AUTS2: variants seen among roughly 807,000 people sequenced by gnomAD.
AUTS2 encodes the protein autism susceptibility gene 2 protein.
In AUTS2, 17 loss-of-function variants were observed where a neutral mutation model predicts 112.4. That is an observed-to-expected ratio of 0.15 (90% confidence interval 0.10 to 0.23). The LOEUF (loss-of-function observed/expected upper bound fraction) is 0.23, where lower values mean the gene tolerates loss of function less well. Among genes scored for constraint, AUTS2 ranks in the 10% least tolerant of loss-of-function variants. AUTS2 has a pLI of 1.00. For missense variants in AUTS2, 1,510 were observed against 1,701.6 expected, an observed-to-expected ratio of 0.89 and a Z score of 1.98; for synonymous variants, 751 against 702.7, an observed-to-expected ratio of 1.07 and a Z score of -1.09.
At chr7:69,762,293 CTTTTTTTTTTTTTTTTTT>C (rs534032498) in intron 1 of AUTS2, among the ~76,000 whole-genome samples, 2 of 61,598 alleles carry the variant, frequency 3.2e-5, no homozygotes, top group African/African-American at 1.3e-4. Flanking sequence ...GCCAAGTTGT[CTTTTTTTTTTTTTTTTTT>C]TTTTTTTTTT....
intron 2 of AUTS2, among the ~76,000 whole-genome samples, chr7:69,972,101 T>G (rs1797874346): frequency 6.6e-6 from 1 of 152,176 alleles, no homozygotes; most frequent in Non-Finnish European, 1.5e-5. Context: ...TGCAATGATG[T>G]TGGTGGTGTT....
At chr7:69,604,212 T>C (rs1443913687) in intron 1 of AUTS2, among the ~76,000 whole-genome samples, 1 of 152,320 alleles carries the variant, frequency 6.6e-6, no homozygotes, top group African/African-American at 2.4e-5. Context: ...ATCAGTAGCA[T>C]AAGTGGGCTA....
Position 69,775,618 on chromosome 7 carries a change from G to A in AUTS2, c.310-123668G>A, listed in dbSNP as rs1788858374. 2.6e-5 allele frequency among the ~76,000 whole-genome samples: 4 copies of A among 152,086 alleles called. 1 individual carries two copies. Among genetic ancestry groups the A allele is most frequent in the South Asian group, 4.2e-4 (2 of 4,794 alleles). On this transcript the variant is annotated intron_variant, in intron 1 of 18. Coordinates refer to ENST00000342771, the MANE Select transcript of AUTS2 (RefSeq NM_015570.4). ...TGTCTGAAGCTGGATGTGAGGGGTCGGGAAGTTGTTGATGGGGATGCCTTC... is the reference window on the plus strand; with the variant it reads ...TGTCTGAAGCTGGATGTGAGGGGTCAGGAAGTTGTTGATGGGGATGCCTTC...
At chr7:70,066,345 G>A (rs190679399) in intron 2 of AUTS2, among the ~76,000 whole-genome samples, 33 of 152,032 alleles carry the variant, frequency 2.2e-4, no homozygotes, top group Non-Finnish European at 1.6e-4. Context: ...TTTAATTTTG[G>A]AGTTGAATGG....
intron 4 of AUTS2, among the ~76,000 whole-genome samples, chr7:70,322,229 A>G (rs923229767): frequency 1.2e-4 from 18 of 152,196 alleles, no homozygotes; most frequent in Non-Finnish European, 2.5e-4. Context: ...AATACATTAT[A>G]GTATATTTAT....
intron 1 of AUTS2, among the ~76,000 whole-genome samples, chr7:69,732,644 A>G (rs998565778): frequency 2.6e-5 from 4 of 152,164 alleles, no homozygotes; most frequent in Admixed American, 6.6e-5. Context: ...TAAGGCCCAA[A>G]TATGAGGTAT....
chr7:69,898,095 G>A (rs1794826990), intron 1 of AUTS2, among the ~76,000 whole-genome samples: 1 of 152,114 alleles, frequency 6.6e-6, no homozygotes, highest in South Asian at 2.1e-4. Context: ...ATACATGTTT[G>A]AGGTAATGGA....
intron 1 of AUTS2, among the ~76,000 whole-genome samples, chr7:69,896,461 A>G (rs1794745789): frequency 6.6e-6 from 1 of 151,934 alleles, no homozygotes; most frequent in African/African-American, 2.4e-5. Context: ...CTTACTCTTA[A>G]GGATAAGGCC....
intron 6 of AUTS2, among the ~76,000 whole-genome samples, chr7:70,752,525 A>C (rs536723711): frequency 2.6e-5 from 4 of 152,230 alleles, no homozygotes; most frequent in Admixed American, 2.0e-4. Flanking sequence ...AAGTCTGATT[A>C]TCTAAGCTTA....
chr7:70,235,886 C>G (rs1211312789), intron 4 of AUTS2, among the ~76,000 whole-genome samples: 1 of 152,140 alleles, frequency 6.6e-6, no homozygotes, highest in African/African-American at 2.4e-5. Flanking sequence ...TCTCGAACTC[C>G]TGACCTCGTG....
At chr7:70,774,362 G>A (rs2129558716) in intron 12 of AUTS2, 2 of 460,196 alleles carry the variant, frequency 4.3e-6, no homozygotes, top group Admixed American at 3.6e-5. Flanking sequence ...AAATTGGACA[G>A]TGTCAGCTTG....
At chr7:70,088,527 CT>C (rs34484649) in intron 2 of AUTS2, among the ~76,000 whole-genome samples, 49,227 of 139,252 alleles carry the variant, frequency 0.35, 7,956 homozygotes, top group African/African-American at 0.45. Context: ...CTTTTGCTCT[CT>C]TTTTTTTTTT....
rs972348238 is a variant in AUTS2 at position 70,102,212 on chromosome 7, G to A, written c.523-15920G>A. ...CGGCTCACCGCAAGCTCTGGCTCCC[G>A]GGTTCACACCATTCTCCTGCCTCAG... is the stretch of plus-strand genomic sequence containing the variant. On this transcript the variant is annotated intron_variant, in intron 2 of 18. Transcript: ENST00000342771. Among the ~76,000 whole-genome samples the A allele has an allele frequency of 2.7e-5, 4 of 148,888 alleles. No individual in the cohort carries two copies. The Admixed American group carries it at 2.8e-4, about 10-fold the overall frequency.
At chr7:69,847,474 C>A (rs1792258597) in intron 1 of AUTS2, among the ~76,000 whole-genome samples, 1 of 152,178 alleles carries the variant, frequency 6.6e-6, no homozygotes, top group South Asian at 2.1e-4. Context: ...CTTTGCTCCG[C>A]CATAGCCTTT....
chr7:70,520,098 GT>G (rs1450077733), intron 5 of AUTS2, among the ~76,000 whole-genome samples: 1 of 152,056 alleles, frequency 6.6e-6, no homozygotes, highest in African/African-American at 2.4e-5. Context: ...AAGCATGAAA[GT>G]TTTCTATTTC....
At chr7:70,553,016 C>T (rs1272961805) in intron 5 of AUTS2, among the ~76,000 whole-genome samples, 1 of 152,276 alleles carries the variant, frequency 6.6e-6, no homozygotes, top group South Asian at 2.1e-4. Flanking sequence ...GGTGCTGTCA[C>T]GAGCCAGCAG....
intron 2 of AUTS2, among the ~76,000 whole-genome samples, chr7:70,023,485 G>C (rs1402317263): frequency 6.6e-6 from 1 of 152,182 alleles, no homozygotes; most frequent in Non-Finnish European, 1.5e-5. Context: ...ACAGGCATTG[G>C]AGTCTGTCTC....
At position 69,665,490 on chromosome 7, in the gene AUTS2, G is replaced by A. The variant is rs573003852; in HGVS notation, c.309+65528G>A. The stretch of plus-strand genomic sequence containing the variant: ...CTGTAGGAGTCTGGAATGCAAAACT[G>A]AACCACAGAAGTATATTGGCCTTGC... On this transcript the variant is annotated intron_variant, in intron 1 of 18. Transcript: ENST00000342771. Among the ~76,000 whole-genome samples, 47 of 152,296 alleles carry A rather than the reference G, an allele frequency of 3.1e-4. 2 individuals carry two copies. The South Asian group carries it at 7.9e-3, about 26-fold the overall frequency.
Position 70,792,619 on chromosome 7 carries a change from T to TG in AUTS2, c.*1623_*1624insG, listed in dbSNP as rs1273432003. 7.9e-6 allele frequency: 1 copy of TG among 126,194 alleles called. No individual in the cohort carries two copies. Among genetic ancestry groups the TG allele is most frequent in the Non-Finnish European group, 1.7e-5 (1 of 58,930 alleles). 7.8% of individuals were successfully genotyped at this position (126,194 alleles called of 1,614,324 possible). A position where few individuals can be genotyped will look rare whatever the true frequency, so the allele number is the denominator to read the frequency against. On this transcript the variant is annotated 3_prime_UTR_variant, in exon 19 of 19. Coordinates refer to ENST00000342771, the MANE Select transcript of AUTS2 (RefSeq NM_015570.4). Reference sequence around the variant, plus strand: ...GAACTCCAGATGTTGTGCGGTGTTTTTTTTTTTTTTTAAGACAACAACTAA... The same window carrying TG: ...GAACTCCAGATGTTGTGCGGTGTTTTGTTTTTTTTTTTAAGACAACAACTAA...
Sources: allele counts gnomAD v4.1 joint callset (sites outside exome capture counted in the v4.1 genomes callset), GRCh38; gene constraint gnomAD v4.1.1; transcripts MANE v1.5; gene names NCBI Gene and HGNC (gene_info 2026-07-23, HGNC 2026-07-21).